Variants in CLINT1 observed in about 807,000 individuals in gnomAD.
CLINT1 encodes clathrin interactor 1, also known as clathrin interacting protein localized in the trans-Golgi region.
A neutral mutation model predicts 70.4 loss-of-function variants in CLINT1; 15 were observed. That is an observed-to-expected ratio of 0.21 (90% CI 0.14 to 0.33). The LOEUF (loss-of-function observed/expected upper bound fraction) is 0.33. Ranked by LOEUF, CLINT1 falls within the 10% of genes least tolerant of loss-of-function variation. CLINT1 has a pLI of 1.00. For synonymous variants in CLINT1, 227 were observed against 254.7 expected (o/e 0.89, Z 1.04); for missense variants, 615 against 778.1 (o/e 0.79, Z 2.49).
Position 157,787,525 on chromosome 5 carries a change from T to A in CLINT1, c.*121A>T. ...TTATAAAACAGCCTTTTTGGTTCTT[T>A]ATGTAGATTTATTTTAATTACTTGA... is the stretch of plus-strand genomic sequence containing the variant. On this transcript the variant is annotated 3_prime_UTR_variant, in exon 12 of 12. Coordinates refer to ENST00000411809, the MANE Select transcript of CLINT1 (RefSeq NM_014666.4). 1.1e-6 allele frequency: 1 copy of A among 884,920 alleles called. No homozygotes were observed. Among genetic ancestry groups the A allele is most frequent in the Non-Finnish European group, 1.7e-6 (1 of 571,716 alleles). The allele number at this position is 884,920 out of a possible 1,614,324, so 54.8% of individuals were successfully genotyped here.
chr5:157,790,423 A>C (rs752867836), intron 10 of CLINT1: 5 of 303,156 alleles, frequency 1.6e-5, no homozygotes, highest in Non-Finnish European at 3.2e-5. Context: ...AGAGGTTCCT[A>C]GTGGTTATTG....
At chr5:157,856,246 T>C (rs1042329250) in intron 1 of CLINT1, among the ~76,000 whole-genome samples, 1 of 152,254 alleles carries the variant, frequency 6.6e-6, no homozygotes, top group South Asian at 2.1e-4. Context: ...CTATTTTTCC[T>C]TGATGGAAAT....
At position 157,837,654 on chromosome 5, in the gene CLINT1, T is replaced by A. The variant is rs1763472967; in HGVS notation, c.42-20107A>T. ...AAATTTCTCAAGCTCTTTTACTTTTTTTTTTTTTGAGACGGAGTCTCACTC... is the reference window on the plus strand; with the variant it reads ...AAATTTCTCAAGCTCTTTTACTTTTATTTTTTTTGAGACGGAGTCTCACTC... On this transcript the variant is annotated intron_variant, in intron 1 of 11. Coordinates refer to ENST00000411809, the MANE Select transcript of CLINT1 (RefSeq NM_014666.4). 2.0e-5 allele frequency among the ~76,000 whole-genome samples: 3 copies of A among 150,298 alleles called. No individual in the cohort carries two copies. In the South Asian group the frequency reaches 6.3e-4, roughly 32 times the overall value.
At chr5:157,791,085 G>A (rs1466375050) in intron 10 of CLINT1, among the ~76,000 whole-genome samples, 1 of 152,008 alleles carries the variant, frequency 6.6e-6, no homozygotes, top group Non-Finnish European at 1.5e-5. Flanking sequence ...TTGAGACGGA[G>A]TATCACTCTG....
rs1460650772 is a variant in CLINT1, at chr5:157,786,926, A to C, written c.*720T>G. ...GTTTTTTTCTTTTAAAGGAAACCAT[A>C]GAGCAGTCCTGAAAAAAATTTCTTC... On this transcript the variant is annotated 3_prime_UTR_variant, in exon 12 of 12. Transcript: ENST00000411809. 6.6e-6 allele frequency: 1 copy of C among 152,470 alleles called. No homozygotes were observed. Among genetic ancestry groups the C allele is most frequent in the Non-Finnish European group, 1.5e-5 (1 of 68,034 alleles). The allele number at this position is 152,470 out of a possible 1,614,324, so 9.4% of individuals were successfully genotyped here.
At chr5:157,856,210 T>C (rs1188753593) in intron 1 of CLINT1, among the ~76,000 whole-genome samples, 1 of 152,230 alleles carries the variant, frequency 6.6e-6, no homozygotes, top group Non-Finnish European at 1.5e-5. Flanking sequence ...CCAAAATTTG[T>C]CTGCTATTGT....
intron 1 of CLINT1, among the ~76,000 whole-genome samples, chr5:157,819,763 G>A (rs1262674636): frequency 1.3e-5 from 2 of 152,332 alleles, no homozygotes; most frequent in African/African-American, 4.8e-5. Context: ...TCTTTGCATT[G>A]TTTAATTTGT....
At chr5:157,788,770 C>T (rs1348094187) in intron 11 of CLINT1, among the ~76,000 whole-genome samples, 1 of 152,006 alleles carries the variant, frequency 6.6e-6, no homozygotes, top group Non-Finnish European at 1.5e-5. Flanking sequence ...GAGTTCAAGA[C>T]CAGACTGGAC....
At chr5:157,791,604 ACTTG>A in intron 10 of CLINT1, 95 bp downstream of exon 10, 9 of 1,095,702 alleles carry the variant, frequency 8.2e-6, no homozygotes, top group South Asian at 7.6e-5. Flanking sequence ...CATAAAAAGG[ACTTG>A]CTTATTTTTC....
At chr5:157,838,113 GGTT>G (rs983228583) in intron 1 of CLINT1, among the ~76,000 whole-genome samples, 1 of 146,800 alleles carries the variant, frequency 6.8e-6, no homozygotes, top group African/African-American at 2.5e-5. Context: ...TTTAAGTCAA[GGTT>G]TTTTTGTTTT....
intron 1 of CLINT1, among the ~76,000 whole-genome samples, chr5:157,838,122 G>GGTTTT (rs1581532061): frequency 7.7e-6 from 1 of 129,944 alleles, no homozygotes; most frequent in Non-Finnish European, 1.6e-5. Flanking sequence ...AGGTTTTTTT[G>GGTTTT]TTTTTTTTTT....
intron 1 of CLINT1, among the ~76,000 whole-genome samples, chr5:157,843,844 G>GA (rs1477703683): frequency 2.6e-5 from 4 of 152,202 alleles, no homozygotes; most frequent in Admixed American, 1.3e-4. Flanking sequence ...CACAATATGT[G>GA]AAAATTACGT....
intron 1 of CLINT1, 86 bp from the exon 2 acceptor site, chr5:157,817,633 T>A (rs1762762847): frequency 1.2e-6 from 1 of 846,868 alleles, no homozygotes; most frequent in South Asian, 1.5e-5. Context: ...ATGACACTAC[T>A]GGGTGTCCTA....
At chr5:157,821,805 A>G (rs1762886613) in intron 1 of CLINT1, among the ~76,000 whole-genome samples, 1 of 152,264 alleles carries the variant, frequency 6.6e-6, no homozygotes, top group African/African-American at 2.4e-5. Context: ...AAGAAAGTTA[A>G]GAGAGGGAAT....
chr5:157,816,719 G>C lies in CLINT1; in HGVS notation c.243+15C>G, dbSNP rs747891861. On this transcript the variant is annotated intron_variant, in intron 3 of 11. Transcript: ENST00000411809. Reference sequence around the variant, plus strand: ...TTCAACATGTCAAGTAATTAAAGCAGACTTGTGTCCATACCTTATAAACTC... The same window carrying C: ...TTCAACATGTCAAGTAATTAAAGCACACTTGTGTCCATACCTTATAAACTC... 7.0e-6 allele frequency: 11 copies of C among 1,568,458 alleles called. No homozygotes were observed. In the South Asian group the frequency reaches 1.1e-4, roughly 16 times the overall value.
intron 1 of CLINT1, among the ~76,000 whole-genome samples, chr5:157,836,408 T>C (rs1214191631): frequency 1.3e-5 from 2 of 152,174 alleles, no homozygotes; most frequent in African/African-American, 4.8e-5. Context: ...AGAGACCATG[T>C]TATTAATTGC....
intron 2 of CLINT1, 129 bp downstream of exon 2, chr5:157,817,314 A>T: frequency 1.6e-6 from 1 of 621,756 alleles, no homozygotes; most frequent in Non-Finnish European, 2.8e-6. Context: ...TCTCTACATT[A>T]CTATCTGAAT....
intron 5 of CLINT1, among the ~76,000 whole-genome samples, chr5:157,812,258 G>A (rs544555153): frequency 6.6e-6 from 1 of 152,064 alleles, no homozygotes. Flanking sequence ...ATATATGGGT[G>A]GGGGGAGCTG....
chr5:157,796,080 G>A (rs1762057614), intron 8 of CLINT1: 2 of 152,266 alleles, frequency 1.3e-5, no homozygotes, highest in African/African-American at 4.8e-5. Flanking sequence ...CAGAGAGAGG[G>A]AGAAATATCA....
Sources: gnomAD v4.1 joint callset for allele counts (sites outside exome capture counted in the v4.1 genomes callset) on GRCh38, gnomAD v4.1.1 for gene constraint, MANE v1.5 for transcripts, NCBI Gene and HGNC (gene_info 2026-07-23, HGNC 2026-07-21) for gene names.